The following SNAPC3 variants were observed in gnomAD, a reference collection of about 807,000 sequenced individuals.
SNAPC3 encodes small nuclear RNA activating complex polypeptide 3, also known as snRNA-activating protein complex subunit 3.
SNAPC3 carries 56 observed loss-of-function variants against 47.7 expected under a neutral mutation model. The observed-to-expected ratio is 1.18, with a 90% confidence interval of 0.95 to 1.47. The LOEUF is 1.47. Among genes scored for constraint, SNAPC3 ranks in the 40% most tolerant of loss-of-function variants. The pLI, the probability that SNAPC3 is intolerant of heterozygous loss-of-function variation, is 0.00. For synonymous variants in SNAPC3, 235 were observed against 189.9 expected (o/e 1.24, Z -1.95); for missense variants, 665 against 511.3 (o/e 1.30, Z -2.90).
chr9:15,454,017 T>C (rs972751813), intron 7 of SNAPC3, among the ~76,000 whole-genome samples: 4 of 152,102 alleles, frequency 2.6e-5, no homozygotes, highest in African/African-American at 4.8e-5. Context: ...AGTGGGCAAA[T>C]TGAGCCCAGG....
intron 3 of SNAPC3, among the ~76,000 whole-genome samples, chr9:15,436,045 T>C (rs1467549518): frequency 6.6e-6 from 1 of 152,122 alleles, no homozygotes; most frequent in Non-Finnish European, 1.5e-5. Flanking sequence ...GGTTTCACCA[T>C]GTTGGCTAGG....
At chr9:15,434,409 C>A (rs1563842143) in intron 3 of SNAPC3, among the ~76,000 whole-genome samples, 2 of 135,468 alleles carry the variant, frequency 1.5e-5, no homozygotes, top group African/African-American at 5.4e-5. Context: ...TTCTGTATGG[C>A]TTTTTTTTTT....
intron 2 of SNAPC3, among the ~76,000 whole-genome samples, chr9:15,427,436 C>T (rs1178072904): frequency 1.3e-5 from 2 of 152,208 alleles, no homozygotes; most frequent in Non-Finnish European, 2.9e-5. Context: ...GCAACTTCTG[C>T]CTCCTGGGCT....
intron 6 of SNAPC3, among the ~76,000 whole-genome samples, chr9:15,452,206 G>A (rs893668710): frequency 7.9e-5 from 12 of 152,116 alleles, no homozygotes; most frequent in Admixed American, 3.9e-4. Context: ...CAAGTAAGCC[G>A]ACTGCATCGG....
intron 5 of SNAPC3, among the ~76,000 whole-genome samples, chr9:15,449,689 G>A (rs1312410694): frequency 6.7e-6 from 1 of 148,410 alleles, no homozygotes; most frequent in African/African-American, 2.5e-5. Flanking sequence ...TCCTGCCTCA[G>A]CCCCATGAGT....
chr9:15,457,853 A>AAAT, intron 7 of SNAPC3, 107 bp from the exon 8 acceptor site: 1 of 692,314 alleles, frequency 1.4e-6, no homozygotes, highest in Non-Finnish European at 2.4e-6. Context: ...CAAAAATTGA[A>AAAT]AGTATCTATT....
intron 3 of SNAPC3, among the ~76,000 whole-genome samples, chr9:15,442,630 G>A (rs527822163): frequency 2.0e-5 from 3 of 152,078 alleles, no homozygotes; most frequent in East Asian, 1.9e-4. Context: ...GGGCAGAGAC[G>A]CTCCTCACTT....
downstream of SNAPC3, among the ~76,000 whole-genome samples, chr9:15,466,527 G>A (rs1457370031): frequency 1.3e-5 from 2 of 152,168 alleles, no homozygotes. Flanking sequence ...TTTTAACTGG[G>A]TTCCCAGCTA....
Position 15,423,034 on chromosome 9 carries a change from G to C in SNAPC3, c.155G>C (p.Arg52Pro). Residue 52 changes from arginine to proline, a missense_variant, in exon 1 of 9, where the codon CGG (arginine) becomes CCG (proline). Transcript: ENST00000380821. ...FHVGAFGELW[R>P]GRLRGAGDLS... ...GTGGGCGCCTTTGGGGAGCTGTGGCGGGGCCGTCTGCGCGGGGCCGGGGAC... is the reference window on the plus strand; with the variant it reads ...GTGGGCGCCTTTGGGGAGCTGTGGCCGGGCCGTCTGCGCGGGGCCGGGGAC... 6.6e-7 allele frequency: 1 copy of C among 1,524,450 alleles called. No homozygotes were observed. The highest frequency in any genetic ancestry group is 8.8e-7 in the Non-Finnish European group (1 of 1,142,160). 94.4% of individuals were successfully genotyped at this position (1,524,450 alleles called of 1,614,324 possible). A position where few individuals can be genotyped will look rare whatever the true frequency, so the allele number is the denominator to read the frequency against.
At chr9:15,441,054 A>G (rs1362248971) in intron 3 of SNAPC3, among the ~76,000 whole-genome samples, 1 of 151,322 alleles carries the variant, frequency 6.6e-6, no homozygotes, top group Non-Finnish European at 1.5e-5. Context: ...TGTTAATCTT[A>G]TTGAGGAATC....
chr9:15,454,003 C>T (rs1429423035), intron 7 of SNAPC3, among the ~76,000 whole-genome samples: 1 of 152,108 alleles, frequency 6.6e-6, no homozygotes, highest in Non-Finnish European at 1.5e-5. Flanking sequence ...CTTTGGGAGA[C>T]TGAAGTGGGC....
At position 15,453,030 on chromosome 9, in the gene SNAPC3, T is replaced by C. The variant is rs758487086; in HGVS notation, c.816-11T>C. 1.9e-6 allele frequency: 3 copies of C among 1,597,136 alleles called. No homozygotes were observed. The highest frequency in any genetic ancestry group is 2.2e-5 in the East Asian group (1 of 44,676). ...GGAAAAATGATATATCCTTGCCTTT[T>C]CCCCCCTCAGAACTATCATTGAGTG... On this transcript the variant is annotated splice_polypyrimidine_tract_variant and intron_variant, in intron 6 of 8. Transcript: ENST00000380821.
At position 15,453,055 on chromosome 9, in the gene SNAPC3, G is replaced by A; in HGVS notation, c.830G>A (p.Trp277Ter). The change falls in exon 7 of 9, where the codon TGG (tryptophan) becomes TAG (stop). Residue 277 changes from tryptophan (W) to a stop codon, truncating the protein, a stop_gained. Transcript: ENST00000380821. LOFTEE classifies it high-confidence loss of function. ...TCCCCCCTCAGAACTATCATTGAGT[G>A]GTCAGAGTCCCATGATAGAGGCTAT... ...CRDLSRTIIE[W>*]SESHDRGYGK... is the part of the protein sequence containing the mutation. The A allele has an allele frequency of 6.2e-7, 1 of 1,612,800 alleles. No individual in the cohort carries two copies. The highest frequency in any genetic ancestry group is 8.5e-7 in the Non-Finnish European group (1 of 1,179,204).
At chr9:15,423,854 C>T (rs2030947622) in intron 1 of SNAPC3, 55 bp from the exon 2 acceptor site, 3 of 1,027,980 alleles carry the variant, frequency 2.9e-6, no homozygotes, top group Non-Finnish European at 4.3e-6. Context: ...CCCTAACTCG[C>T]TGTGAACCAG....
At chr9:15,423,286 C>A in intron 1 of SNAPC3, 93 bp downstream of exon 1, 1 of 1,304,278 alleles carries the variant, frequency 7.7e-7, no homozygotes, top group Non-Finnish European at 1.0e-6. Flanking sequence ...CTGAGAAGGG[C>A]CTGTGGTTTA....
chr9:15,454,678 C>G (rs571772173), intron 7 of SNAPC3, among the ~76,000 whole-genome samples: 3 of 152,340 alleles, frequency 2.0e-5, no homozygotes, highest in East Asian at 3.9e-4. Flanking sequence ...TGGCTCACGC[C>G]TGTAATCCCA....
At chr9:15,439,684 A>G (rs2033149035) in intron 3 of SNAPC3, among the ~76,000 whole-genome samples, 1 of 151,984 alleles carries the variant, frequency 6.6e-6, no homozygotes, top group Non-Finnish European at 1.5e-5. Flanking sequence ...ACAAGCACCC[A>G]CCACCACACC....
chr9:15,456,222 C>T (rs1025163836), intron 7 of SNAPC3, among the ~76,000 whole-genome samples: 4 of 151,968 alleles, frequency 2.6e-5, no homozygotes, highest in African/African-American at 4.8e-5. Flanking sequence ...GTTGGCCAGG[C>T]TGGTGTCGAA....
intron 5 of SNAPC3, among the ~76,000 whole-genome samples, chr9:15,450,150 T>C (rs969467097): frequency 6.6e-6 from 1 of 152,176 alleles, no homozygotes; most frequent in Non-Finnish European, 1.5e-5. Context: ...TGACATTAAG[T>C]ACATTATACT....
Sources: allele counts gnomAD v4.1 joint callset (sites outside exome capture counted in the v4.1 genomes callset), GRCh38; gene constraint gnomAD v4.1.1; transcripts MANE v1.5; gene names NCBI Gene and HGNC (gene_info 2026-07-23, HGNC 2026-07-21).